Variants in SLC4A4 observed in about 807,000 individuals in gnomAD.
SLC4A4 encodes the protein electrogenic sodium bicarbonate cotransporter 1.
Under a neutral mutation model 111.5 loss-of-function variants are expected in SLC4A4, and 27 were observed. The ratio of observed to expected loss-of-function variants is 0.24; its 90% CI spans 0.18 to 0.33. SLC4A4 has a LOEUF of 0.33. SLC4A4 is among the 10% of genes least tolerant of loss of function. The probability of loss-of-function intolerance (pLI) is 1.00; values close to 1 mark genes in which losing one functional copy is unlikely to be tolerated. For synonymous variants in SLC4A4, 443 were observed against 463.4 expected, an observed-to-expected ratio of 0.96 and a Z score of 0.57; for missense variants, 909 against 1,315.5, an observed-to-expected ratio of 0.69 and a Z score of 4.78.
chr4:71,327,263 A>T (rs1029795517), intron 3 of SLC4A4, among the ~76,000 whole-genome samples: 1 of 152,076 alleles, frequency 6.6e-6, no homozygotes, highest in East Asian at 1.9e-4. Flanking sequence ...ACTATTTCAT[A>T]TGCCACTGTG....
At chr4:71,213,152 T>C (rs957193109) in intron 1 of SLC4A4, among the ~76,000 whole-genome samples, 3 of 152,242 alleles carry the variant, frequency 2.0e-5, no homozygotes, top group African/African-American at 7.2e-5. Context: ...ACGATGCATT[T>C]CTTGGAATGT....
chr4:71,268,449 C>A (rs186182927), intron 3 of SLC4A4, among the ~76,000 whole-genome samples: 3 of 152,118 alleles, frequency 2.0e-5, no homozygotes, highest in Non-Finnish European at 4.4e-5. Flanking sequence ...ACATATGTCA[C>A]CAGAGCATGG....
chr4:71,571,104 A>G lies in SLC4A4; in HGVS notation c.*3353A>G, dbSNP rs1302211451. 4 of 152,292 alleles carry G rather than the reference A, an allele frequency of 2.6e-5. No individual in the cohort carries two copies. The allele number at this position is 152,292 out of a possible 1,614,324, so 9.4% of individuals were successfully genotyped here. A position where few individuals can be genotyped will look rare whatever the true frequency, so the allele number is the denominator to read the frequency against. ...TATCAACTGTATACTGGTGTTTAATAGAGAATGATTGTCTTCCGAGTTTTT... is the reference window on the plus strand; with the variant it reads ...TATCAACTGTATACTGGTGTTTAATGGAGAATGATTGTCTTCCGAGTTTTT... On this transcript the variant is annotated 3_prime_UTR_variant, in exon 26 of 26. Coordinates refer to ENST00000264485, the MANE Select transcript of SLC4A4 (RefSeq NM_001098484.3).
intron 3 of SLC4A4, among the ~76,000 whole-genome samples, chr4:71,295,093 T>C (rs1724674050): frequency 6.6e-6 from 1 of 152,306 alleles, no homozygotes; most frequent in East Asian, 1.9e-4. Context: ...ACAATTTCAA[T>C]GTTTGAAGTG....
At chr4:71,089,750 G>A (rs115419580) in intron 1 of SLC4A4, among the ~76,000 whole-genome samples, 7,162 of 151,956 alleles carry the variant, frequency 0.047, 299 homozygotes, top group Middle Eastern at 0.068. Flanking sequence ...CTGATCGTTC[G>A]TCTGGAAATT....
intron 7 of SLC4A4, among the ~76,000 whole-genome samples, chr4:71,439,630 C>T (rs1214610513): frequency 9.2e-5 from 14 of 151,636 alleles, no homozygotes; most frequent in Admixed American, 9.2e-4. Flanking sequence ...GTTTTCCTCC[C>T]CTTTTTCAGT....
At chr4:71,118,292 G>A (rs996075769) in intron 2 of SLC4A4, among the ~76,000 whole-genome samples, 4 of 152,180 alleles carry the variant, frequency 2.6e-5, no homozygotes, top group African/African-American at 9.6e-5. Flanking sequence ...TCCAACATAA[G>A]TATTTAATTT....
intron 3 of SLC4A4, among the ~76,000 whole-genome samples, chr4:71,283,018 A>G (rs893436974): frequency 6.6e-6 from 1 of 152,212 alleles, no homozygotes; most frequent in Non-Finnish European, 1.5e-5. Context: ...AGACTTGGTT[A>G]GTAAATTTGA....
chr4:71,314,316 G>A (rs189637278), intron 3 of SLC4A4, among the ~76,000 whole-genome samples: 1 of 152,212 alleles, frequency 6.6e-6, no homozygotes, highest in African/African-American at 2.4e-5. Flanking sequence ...CTTTTACACT[G>A]TTGGTGGAGT....
chr4:71,528,863 A>G (rs918826435), intron 16 of SLC4A4, among the ~76,000 whole-genome samples: 7 of 151,954 alleles, frequency 4.6e-5, no homozygotes, highest in Non-Finnish European at 1.0e-4. Context: ...ACACATATAT[A>G]TGGACATAAA....
chr4:71,264,574 T>C (rs1443493902), intron 3 of SLC4A4, among the ~76,000 whole-genome samples: 1 of 152,128 alleles, frequency 6.6e-6, no homozygotes, highest in Non-Finnish European at 1.5e-5. Context: ...AATAGGGCAA[T>C]TTCTGTTACC....
intron 7 of SLC4A4, among the ~76,000 whole-genome samples, chr4:71,433,285 C>T (rs1723813045): frequency 6.6e-6 from 1 of 151,560 alleles, no homozygotes; most frequent in African/African-American, 2.4e-5. Flanking sequence ...AGTCTGCCTT[C>T]CCTAGTTAGT....
intron 1 of SLC4A4, among the ~76,000 whole-genome samples, chr4:71,200,606 G>A (rs1344354119): frequency 6.6e-6 from 1 of 152,162 alleles, no homozygotes; most frequent in Admixed American, 6.5e-5. Flanking sequence ...GCAAAAGGAT[G>A]TATAAATGTA....
rs1434692935 is a variant in SLC4A4 at position 71,255,242 on chromosome 4, A to G, written c.96A>G (p.Gly32=). ...EVEGHHTIYI[G]VHVPKSYRRR... The stretch of plus-strand genomic sequence containing the variant: ...TAGGCCACCATACCATTTACATCGG[A>G]GTCCATGTGCCGAAGAGTTACAGGA... Residue 32 remains glycine (G), a synonymous_variant, in exon 3 of 26, where the codon GGA becomes GGG. Coordinates refer to ENST00000264485, the MANE Select transcript of SLC4A4 (RefSeq NM_001098484.3). 2.5e-6 allele frequency: 4 copies of G among 1,613,414 alleles called. No homozygotes were observed. Among genetic ancestry groups the G allele is most frequent in the Non-Finnish European group, 2.5e-6 (3 of 1,179,452 alleles).
chr4:71,356,822 C>A (rs540603859), intron 5 of SLC4A4, among the ~76,000 whole-genome samples, 186 bp from the exon 6 acceptor site: 6 of 152,274 alleles, frequency 3.9e-5, no homozygotes, highest in African/African-American at 1.4e-4. Flanking sequence ...ATATTTGTAT[C>A]TCTCTCATCA....
intron 11 of SLC4A4, among the ~76,000 whole-genome samples, chr4:71,453,245 A>G (rs1725929140): frequency 6.6e-6 from 1 of 152,078 alleles, no homozygotes; most frequent in Non-Finnish European, 1.5e-5. Context: ...TACACAGTTC[A>G]CTCTTTTCTA....
chr4:71,386,868 T>G (rs1407465101), intron 6 of SLC4A4, among the ~76,000 whole-genome samples: 3 of 152,322 alleles, frequency 2.0e-5, no homozygotes, highest in Admixed American at 6.5e-5. Context: ...AATTGTACAT[T>G]TGTACTTAAA....
chr4:71,397,988 A>G (rs1233793882), intron 7 of SLC4A4, among the ~76,000 whole-genome samples: 1 of 152,196 alleles, frequency 6.6e-6, no homozygotes, highest in Non-Finnish European at 1.5e-5. Context: ...ACTTTGGTAA[A>G]TTATAAAGAA....
intron 6 of SLC4A4, among the ~76,000 whole-genome samples, chr4:71,360,333 A>G (rs1192892912): frequency 6.6e-6 from 1 of 152,068 alleles, no homozygotes; most frequent in African/African-American, 2.4e-5. Context: ...TCAGGGCTTG[A>G]TTTTTAAATT....
Sources: gnomAD v4.1 joint callset for allele counts (sites outside exome capture counted in the v4.1 genomes callset) on GRCh38, gnomAD v4.1.1 for gene constraint, MANE v1.5 for transcripts, NCBI Gene and HGNC (gene_info 2026-07-23, HGNC 2026-07-21) for gene names.